The following INPP4A variants were observed in gnomAD, a reference collection of about 807,000 sequenced individuals.
INPP4A encodes inositol polyphosphate-4-phosphatase type I A.
A neutral mutation model predicts 119.8 loss-of-function variants in INPP4A; 33 were observed. That is an observed-to-expected ratio of 0.28 (90% confidence interval 0.21 to 0.37). The LOEUF is 0.37. Among genes scored for constraint, INPP4A ranks in the 10% least tolerant of loss-of-function variants. INPP4A has a pLI of 1.00. For missense variants in INPP4A, 956 were observed against 1,289.9 expected (o/e 0.74, Z 3.97); for synonymous variants, 496 against 500.7 (o/e 0.99, Z 0.12).
At chr2:98,517,396 C>T (rs77184108) in intron 1 of INPP4A, among the ~76,000 whole-genome samples, 196 of 152,292 alleles carry the variant, frequency 1.3e-3, no homozygotes, top group African/African-American at 4.4e-3. Context: ...TGCCAGGTCA[C>T]AGGGTAGGTG....
chr2:98,582,625 G>A (rs1254052658), intron 24 of INPP4A, among the ~76,000 whole-genome samples: 4 of 143,508 alleles, frequency 2.8e-5, no homozygotes, highest in East Asian at 2.0e-4. Context: ...TACTGCATAC[G>A]CCAGACACAG....
chr2:98,545,909 C>T (rs990307503), intron 11 of INPP4A, 60 bp from the exon 12 acceptor site: 2 of 1,212,000 alleles, frequency 1.7e-6, no homozygotes, highest in African/African-American at 1.5e-5. Context: ...TTTCTACTTG[C>T]AACTCGTGAA....
chr2:98,586,677 C>G lies in INPP4A; in HGVS notation c.2787-799C>G, dbSNP rs74992838. 3.9e-3 allele frequency among the ~76,000 whole-genome samples: 587 copies of G among 152,332 alleles called. 4 individuals carry two copies. The highest frequency in any genetic ancestry group is 0.013 in the African/African-American group (550 of 41,564). On this transcript the variant is annotated intron_variant, in intron 24 of 24. Transcript: ENST00000409851. ...TGTTTGCTTTTGCCCCCTGGATTGCCATGGCAACCCTCCATCAGATGCAGC... is the reference window on the plus strand; with the variant it reads ...TGTTTGCTTTTGCCCCCTGGATTGCGATGGCAACCCTCCATCAGATGCAGC...
chr2:98,513,883 A>T (rs1195669665), intron 1 of INPP4A, among the ~76,000 whole-genome samples: 1 of 152,208 alleles, frequency 6.6e-6, no homozygotes, highest in African/African-American at 2.4e-5. Context: ...GTGCCATGTC[A>T]TAGAAAGTCC....
intron 1 of INPP4A, among the ~76,000 whole-genome samples, chr2:98,479,060 C>T (rs1677857485): frequency 6.6e-6 from 1 of 152,184 alleles, no homozygotes; most frequent in Non-Finnish European, 1.5e-5. Context: ...GGCACTTCCT[C>T]CCGGCTCCTG....
At chr2:98,543,450 G>T (rs1009279458) in intron 10 of INPP4A, among the ~76,000 whole-genome samples, 1 of 152,192 alleles carries the variant, frequency 6.6e-6, no homozygotes, top group Non-Finnish European at 1.5e-5. Flanking sequence ...GGCTCATTGC[G>T]ATTACTCACA....
intron 24 of INPP4A, among the ~76,000 whole-genome samples, chr2:98,577,822 C>T (rs2106499271): frequency 6.6e-6 from 1 of 152,322 alleles, no homozygotes; most frequent in South Asian, 2.1e-4. Flanking sequence ...CCCCCTACCT[C>T]ACATACCAAA....
intron 17 of INPP4A, among the ~76,000 whole-genome samples, chr2:98,561,487 C>T (rs1170895701): frequency 6.6e-6 from 1 of 152,238 alleles, no homozygotes; most frequent in Non-Finnish European, 1.5e-5. Flanking sequence ...CAGATAACGA[C>T]ACTCACCTTC....
intron 4 of INPP4A, among the ~76,000 whole-genome samples, chr2:98,528,320 T>C (rs531094253): frequency 6.6e-6 from 1 of 152,232 alleles, no homozygotes; most frequent in South Asian, 2.1e-4. Flanking sequence ...ATCAGCAAAC[T>C]TGAAGACAGG....
intron 17 of INPP4A, among the ~76,000 whole-genome samples, chr2:98,562,215 CAGTT>C (rs1304998766): frequency 1.3e-5 from 2 of 152,264 alleles, no homozygotes; most frequent in South Asian, 2.1e-4. Flanking sequence ...TGTCCACAAA[CAGTT>C]AGCGTGCCTG....
intron 11 of INPP4A, among the ~76,000 whole-genome samples, chr2:98,545,020 A>G (rs1692213676): frequency 6.6e-6 from 1 of 152,240 alleles, no homozygotes; most frequent in Non-Finnish European, 1.5e-5. Flanking sequence ...CTCAAATGTC[A>G]CTGTGCACCC....
chr2:98,457,223 C>T (rs1024031278), intron 1 of INPP4A, among the ~76,000 whole-genome samples: 2 of 152,294 alleles, frequency 1.3e-5, no homozygotes, highest in Non-Finnish European at 2.9e-5. Context: ...GAGTTTTAAG[C>T]AGTAGTGGAT....
At chr2:98,512,955 T>C (rs890804356) in intron 1 of INPP4A, among the ~76,000 whole-genome samples, 1 of 152,222 alleles carries the variant, frequency 6.6e-6, no homozygotes, top group Non-Finnish European at 1.5e-5. Context: ...TTTTTTGTTT[T>C]TGTATTTTAT....
chr2:98,484,055 GTC>G (rs910220826), intron 1 of INPP4A, among the ~76,000 whole-genome samples: 34 of 152,210 alleles, frequency 2.2e-4, no homozygotes, highest in African/African-American at 7.7e-4. Flanking sequence ...TGCATGTCCT[GTC>G]TCTCTCCAGA....
At chr2:98,492,379 T>C (rs947697699) in intron 1 of INPP4A, among the ~76,000 whole-genome samples, 4 of 152,220 alleles carry the variant, frequency 2.6e-5, no homozygotes, top group African/African-American at 9.6e-5. Flanking sequence ...TTTTATGAAG[T>C]TTCTACCCAA....
chr2:98,492,526 C>T (rs547247508), intron 1 of INPP4A, among the ~76,000 whole-genome samples: 70 of 152,232 alleles, frequency 4.6e-4, no homozygotes, highest in Non-Finnish European at 9.1e-4. Context: ...TCCTGTCTTA[C>T]TCATAGAATC....
intron 17 of INPP4A, among the ~76,000 whole-genome samples, chr2:98,561,065 T>C (rs1695382687): frequency 6.6e-6 from 1 of 152,176 alleles, no homozygotes; most frequent in Admixed American, 6.5e-5. Flanking sequence ...GGCTAAAATA[T>C]ACACACTTAC....
intron 1 of INPP4A, among the ~76,000 whole-genome samples, chr2:98,495,284 A>G (rs1681708797): frequency 6.6e-6 from 1 of 152,226 alleles, no homozygotes; most frequent in Non-Finnish European, 1.5e-5. Context: ...TAAAACTGCT[A>G]TTATATTTGT....
chr2:98,480,102 G>A (rs1015711575), intron 1 of INPP4A, among the ~76,000 whole-genome samples: 3 of 152,280 alleles, frequency 2.0e-5, no homozygotes, highest in Middle Eastern at 3.4e-3. Flanking sequence ...CGCTAGACAC[G>A]GAGCCTCTGG....
Sources: gnomAD v4.1 joint callset for allele counts (sites outside exome capture counted in the v4.1 genomes callset) on GRCh38, gnomAD v4.1.1 for gene constraint, MANE v1.5 for transcripts, NCBI Gene and HGNC (gene_info 2026-07-23, HGNC 2026-07-21) for gene names.